Variants in CDYL2 observed in about 807,000 individuals in gnomAD.
CDYL2 encodes the protein chromodomain Y like 2.
Under a neutral mutation model 49.4 loss-of-function variants are expected in CDYL2, and 23 were observed. That is an observed-to-expected ratio of 0.47 (90% CI 0.34 to 0.66). The LOEUF (loss-of-function observed/expected upper bound fraction) is 0.66, where lower values mean the gene tolerates loss of function less well. CDYL2 is among the 30% of genes least tolerant of loss of function. CDYL2 has a pLI of 0.01. For synonymous variants in CDYL2, 360 were observed against 268.8 expected, an observed-to-expected ratio of 1.34 and a Z score of -3.32; for missense variants, 678 against 656.4, an observed-to-expected ratio of 1.03 and a Z score of -0.36.
At chr16:80,618,410 T>C (rs879268652) in intron 4 of CDYL2, among the ~76,000 whole-genome samples, 15 of 152,246 alleles carry the variant, frequency 9.9e-5, no homozygotes, top group Non-Finnish European at 1.8e-4. Context: ...GTAGAGGCTA[T>C]GGGGACAGGA....
chr16:80,620,434 C>T (rs1907028395), intron 4 of CDYL2, among the ~76,000 whole-genome samples: 1 of 152,168 alleles, frequency 6.6e-6, no homozygotes, highest in African/African-American at 2.4e-5. Flanking sequence ...AACACATGGC[C>T]ACTACCAGAC....
intron 1 of CDYL2, among the ~76,000 whole-genome samples, chr16:80,708,501 G>A (rs927550826): frequency 3.9e-5 from 6 of 152,100 alleles, no homozygotes; most frequent in African/African-American, 4.8e-5. Context: ...ACCCAGTCTC[G>A]GGTAGGCTTT....
chr16:80,701,853 A>C (rs1472863301), intron 1 of CDYL2, among the ~76,000 whole-genome samples: 2 of 152,226 alleles, frequency 1.3e-5, no homozygotes, highest in African/African-American at 4.8e-5. Context: ...TTGAAAAAGA[A>C]GAATAATGAG....
chr16:80,607,796 G>C (rs1451898895), intron 6 of CDYL2, among the ~76,000 whole-genome samples: 19 of 152,096 alleles, frequency 1.2e-4, no homozygotes, highest in Non-Finnish European at 5.9e-5. Flanking sequence ...TAGATGTTTT[G>C]CGTTTTTGTG....
chr16:80,639,667 C>T (rs1247064854), intron 2 of CDYL2: 1 of 455,604 alleles, frequency 2.2e-6, no homozygotes, highest in Admixed American at 2.4e-5. Context: ...GGTGAGCACT[C>T]ACAGGACCCG....
chr16:80,791,631 A>T (rs1170079601), intron 1 of CDYL2, among the ~76,000 whole-genome samples: 1 of 152,202 alleles, frequency 6.6e-6, no homozygotes, highest in South Asian at 2.1e-4. Flanking sequence ...CAAAAATGTG[A>T]CAAGGATTGG....
At chr16:80,703,844 T>C (rs1904322099) in intron 1 of CDYL2, among the ~76,000 whole-genome samples, 1 of 152,138 alleles carries the variant, frequency 6.6e-6, no homozygotes, top group Non-Finnish European at 1.5e-5. Context: ...ATGACAAGCC[T>C]CACCTGCGGA....
chr16:80,719,355 G>C (rs1248622957), intron 1 of CDYL2, among the ~76,000 whole-genome samples: 1 of 152,148 alleles, frequency 6.6e-6, no homozygotes, highest in Non-Finnish European at 1.5e-5. Flanking sequence ...TTGTAAATGG[G>C]ACTAGGAACA....
chr16:80,778,129 G>GA (rs1183023754), intron 1 of CDYL2, among the ~76,000 whole-genome samples: 2 of 151,678 alleles, frequency 1.3e-5, no homozygotes, highest in African/African-American at 2.4e-5. Flanking sequence ...TTGTCAAGAA[G>GA]AAAAAACAGT....
At chr16:80,790,407 GA>G (rs1366262127) in intron 1 of CDYL2, among the ~76,000 whole-genome samples, 2 of 151,882 alleles carry the variant, frequency 1.3e-5, no homozygotes, top group African/African-American at 2.4e-5. Context: ...GCAATTAAGA[GA>G]AAAAAAGGGT....
intron 1 of CDYL2, among the ~76,000 whole-genome samples, chr16:80,750,397 CAA>C (rs201472206): frequency 4.4e-5 from 5 of 113,348 alleles, no homozygotes; most frequent in East Asian, 2.4e-4. Flanking sequence ...AGACTGGATC[CAA>C]AAAAAAAAAA....
At chr16:80,679,603 T>C in intron 2 of CDYL2, 1 of 429,086 alleles carries the variant, frequency 2.3e-6, no homozygotes, top group Non-Finnish European at 4.7e-6. Context: ...AGGCCTCATC[T>C]CAGGGAAGTA....
intron 1 of CDYL2, among the ~76,000 whole-genome samples, chr16:80,776,840 C>CA (rs1246488367): frequency 6.7e-6 from 1 of 150,130 alleles, no homozygotes; most frequent in Non-Finnish European, 1.5e-5. Flanking sequence ...TTTTTGGAGA[C>CA]AGAGTCTCCC....
At chr16:80,759,747 C>CA (rs1410989748) in intron 1 of CDYL2, among the ~76,000 whole-genome samples, 2 of 152,172 alleles carry the variant, frequency 1.3e-5, no homozygotes, top group Non-Finnish European at 2.9e-5. Flanking sequence ...CACACGACTG[C>CA]ATAACAACAA....
intron 4 of CDYL2, among the ~76,000 whole-genome samples, chr16:80,620,029 T>C (rs910231051): frequency 2.0e-5 from 3 of 152,286 alleles, no homozygotes; most frequent in African/African-American, 7.2e-5. Flanking sequence ...CATTCCTGAA[T>C]TGTGACTTGT....
At chr16:80,700,813 C>T (rs1417943718) in intron 1 of CDYL2, among the ~76,000 whole-genome samples, 1 of 152,258 alleles carries the variant, frequency 6.6e-6, no homozygotes, top group Admixed American at 6.5e-5. Flanking sequence ...ATCATGCTAG[C>T]TTTCTCTCGC....
At chr16:80,736,107 C>G (rs528947883) in intron 1 of CDYL2, among the ~76,000 whole-genome samples, 1 of 152,242 alleles carries the variant, frequency 6.6e-6, no homozygotes, top group Admixed American at 6.5e-5. Context: ...GCTGTCACAG[C>G]TGGCCACAGG....
intron 2 of CDYL2, among the ~76,000 whole-genome samples, chr16:80,652,348 G>A (rs1908620534): frequency 6.6e-6 from 1 of 152,154 alleles, no homozygotes; most frequent in Admixed American, 6.5e-5. Flanking sequence ...AGCTGTTAAT[G>A]GCCAAAGATG....
intron 1 of CDYL2, among the ~76,000 whole-genome samples, chr16:80,724,159 AGAG>A (rs944121565): frequency 1.5e-4 from 22 of 150,434 alleles, no homozygotes; most frequent in South Asian, 1.1e-3. Context: ...AGAAAGAAGA[AGAG>A]GAGGAGGAGA....
Sources: gnomAD v4.1 joint callset for allele counts (sites outside exome capture counted in the v4.1 genomes callset) on GRCh38, gnomAD v4.1.1 for gene constraint, MANE v1.5 for transcripts, NCBI Gene and HGNC (gene_info 2026-07-23, HGNC 2026-07-21) for gene names.